The following MNAT1 variants were observed in gnomAD, a reference collection of about 807,000 sequenced individuals.
MNAT1 encodes CDK-activating kinase assembly factor MAT1.
MNAT1 carries 43 observed loss-of-function variants against 42.0 expected under a neutral mutation model. The ratio of observed to expected loss-of-function variants is 1.02; its 90% CI spans 0.80 to 1.32. The LOEUF (loss-of-function observed/expected upper bound fraction) is 1.32. Among genes scored for constraint, MNAT1 ranks in the 40% most tolerant of loss-of-function variants. The pLI is 0.00. For synonymous variants in MNAT1, 118 were observed against 120.0 expected, an observed-to-expected ratio of 0.98 and a Z score of 0.11; for missense variants, 306 against 350.4, an observed-to-expected ratio of 0.87 and a Z score of 1.01.
At chr14:60,927,501 G>T (rs1430584763) in intron 7 of MNAT1, among the ~76,000 whole-genome samples, 1 of 152,162 alleles carries the variant, frequency 6.6e-6, no homozygotes, top group Non-Finnish European at 1.5e-5. Context: ...GTCTCACAGG[G>T]CCCCATGCCC....
At chr14:60,779,505 C>G (rs1348167853) in intron 1 of MNAT1, among the ~76,000 whole-genome samples, 1 of 152,074 alleles carries the variant, frequency 6.6e-6, no homozygotes, top group Non-Finnish European at 1.5e-5. Context: ...GAAGCTGTTT[C>G]CGGCTGGGCG....
chr14:60,894,663 G>A (rs752666723), intron 7 of MNAT1, among the ~76,000 whole-genome samples: 3 of 151,898 alleles, frequency 2.0e-5, no homozygotes, highest in Non-Finnish European at 4.4e-5. Flanking sequence ...TTGAAGGGAG[G>A]GAGGAGCACT....
At chr14:60,760,515 G>A (rs1260443087) in intron 1 of MNAT1, among the ~76,000 whole-genome samples, 1 of 152,114 alleles carries the variant, frequency 6.6e-6, no homozygotes. Context: ...ATGATTGTAA[G>A]AATACAGACA....
At chr14:60,762,448 G>A (rs2030640422) in intron 1 of MNAT1, among the ~76,000 whole-genome samples, 1 of 152,082 alleles carries the variant, frequency 6.6e-6, no homozygotes, top group Non-Finnish European at 1.5e-5. Flanking sequence ...AGGAGGTGGA[G>A]GTGGGAGGAT....
At position 60,737,544 on chromosome 14, in the gene MNAT1, A is replaced by ATTTG. The variant is rs572443132; in HGVS notation, c.89+2596_89+2597insGTTT. 3.3e-3 allele frequency among the ~76,000 whole-genome samples: 508 copies of ATTTG among 152,236 alleles called. 5 individuals are homozygous for ATTTG. Among genetic ancestry groups the ATTTG allele is most frequent in the African/African-American group, 0.011 (468 of 41,554 alleles). On this transcript the variant is annotated intron_variant, in intron 1 of 7. Coordinates refer to ENST00000261245, the MANE Select transcript of MNAT1 (RefSeq NM_002431.4). Reference sequence around the variant, plus strand: ...ATTTACCCCAATTTTTAAAATTAATATTTAATTATCCAGTTTTTCCTTGGA... The same window carrying ATTTG: ...ATTTACCCCAATTTTTAAAATTAATATTTGTTTAATTATCCAGTTTTTCCTTGGA...
chr14:60,783,792 G>A (rs896445567), intron 1 of MNAT1, among the ~76,000 whole-genome samples: 18 of 152,198 alleles, frequency 1.2e-4, no homozygotes, highest in African/African-American at 2.6e-4. Context: ...GTGAGCCACC[G>A]CGCCCGGCCT....
chr14:60,921,852 A>C (rs905941283), intron 7 of MNAT1, among the ~76,000 whole-genome samples: 5 of 152,182 alleles, frequency 3.3e-5, no homozygotes, highest in Admixed American at 6.5e-5. Context: ...TTCCTGTGAG[A>C]CATGGCTCTA....
At chr14:60,821,235 G>T (rs769246246) in intron 6 of MNAT1, among the ~76,000 whole-genome samples, 5 of 152,030 alleles carry the variant, frequency 3.3e-5, no homozygotes, top group Non-Finnish European at 7.4e-5. Context: ...TCCTGCCTTG[G>T]CCTCCAAAAG....
chr14:60,773,637 T>C (rs757656227), intron 1 of MNAT1, among the ~76,000 whole-genome samples: 2 of 152,132 alleles, frequency 1.3e-5, no homozygotes, highest in Admixed American at 6.5e-5. Flanking sequence ...TAGACAGTAA[T>C]GTAAGAGAAA....
chr14:60,942,580 G>A (rs1369013418), intron 7 of MNAT1, among the ~76,000 whole-genome samples: 1 of 151,580 alleles, frequency 6.6e-6, no homozygotes, highest in Non-Finnish European at 1.5e-5. Context: ...TATTAAAACA[G>A]TAAGGTTTTC....
At chr14:60,810,228 T>A (rs1279937082) in intron 4 of MNAT1, among the ~76,000 whole-genome samples, 1 of 152,118 alleles carries the variant, frequency 6.6e-6, no homozygotes, top group Non-Finnish European at 1.5e-5. Context: ...TGATTTTGAG[T>A]CTTCTCTCTC....
chr14:60,835,477 T>G (rs2033365500), intron 6 of MNAT1, among the ~76,000 whole-genome samples: 1 of 152,188 alleles, frequency 6.6e-6, no homozygotes, highest in African/African-American at 2.4e-5. Flanking sequence ...CTGTAAAGGA[T>G]TTTATTTCCT....
chr14:60,742,271 A>G (rs1896494489), intron 1 of MNAT1, among the ~76,000 whole-genome samples: 1 of 151,710 alleles, frequency 6.6e-6, no homozygotes. Flanking sequence ...TTTTTTTTGT[A>G]GAGCTAGTCT....
intron 6 of MNAT1, among the ~76,000 whole-genome samples, chr14:60,849,972 G>T (rs1012489919): frequency 6.6e-6 from 1 of 152,022 alleles, no homozygotes; most frequent in Non-Finnish European, 1.5e-5. Flanking sequence ...GAGTGGCTGG[G>T]ATTACAGGTG....
At chr14:60,923,417 A>G (rs906943163) in intron 7 of MNAT1, among the ~76,000 whole-genome samples, 1 of 152,166 alleles carries the variant, frequency 6.6e-6, no homozygotes. Context: ...TTTTGTTATT[A>G]TACATATTTA....
intron 7 of MNAT1, among the ~76,000 whole-genome samples, chr14:60,911,331 C>G (rs1295890156): frequency 1.3e-5 from 2 of 152,148 alleles, no homozygotes; most frequent in Non-Finnish European, 2.9e-5. Context: ...TCCGTCAGTT[C>G]TGCTCTGACT....
Position 60,754,996 on chromosome 14 carries a change from A to G in MNAT1, c.89+20045A>G, listed in dbSNP as rs536793675. On this transcript the variant is annotated intron_variant, in intron 1 of 7. Coordinates refer to ENST00000261245, the MANE Select transcript of MNAT1 (RefSeq NM_002431.4). Reference sequence around the variant, plus strand: ...GAGTTGAATCTTATGTGGAATTTGTATATACGTATTTTTTTTTTCCAGAGA... The same window carrying G: ...GAGTTGAATCTTATGTGGAATTTGTGTATACGTATTTTTTTTTTCCAGAGA... 3.3e-5 allele frequency among the ~76,000 whole-genome samples: 5 copies of G among 152,142 alleles called. No homozygotes were observed. The South Asian group carries it at 1.0e-3, about 32-fold the overall frequency.
At chr14:60,841,528 T>C (rs1050780562) in intron 6 of MNAT1, among the ~76,000 whole-genome samples, 2 of 152,190 alleles carry the variant, frequency 1.3e-5, no homozygotes, top group Admixed American at 1.3e-4. Context: ...TCATATTTCT[T>C]CTCTACCTTC....
At chr14:60,931,303 C>G (rs920142256) in intron 7 of MNAT1, among the ~76,000 whole-genome samples, 2 of 152,128 alleles carry the variant, frequency 1.3e-5, no homozygotes, top group African/African-American at 4.8e-5. Flanking sequence ...AGACACAAGT[C>G]TTTGTGTGAG....
Sources: gnomAD v4.1 joint callset for allele counts (sites outside exome capture counted in the v4.1 genomes callset) on GRCh38, gnomAD v4.1.1 for gene constraint, MANE v1.5 for transcripts, NCBI Gene and HGNC (gene_info 2026-07-23, HGNC 2026-07-21) for gene names.